MEI4: variants seen among roughly 807,000 people sequenced by gnomAD.
The protein encoded by MEI4 is meiotic double-stranded break formation protein 4, also known as meiosis-specific protein MEI4.
A neutral mutation model predicts 31.4 loss-of-function variants in MEI4; 27 were observed. The observed-to-expected ratio is 0.86, with a 90% CI of 0.63 to 1.19. The LOEUF is 1.19. MEI4 is among the 50% of genes most tolerant of loss of function. The pLI, the probability that MEI4 is intolerant of heterozygous loss-of-function variation, is 0.00. For synonymous variants in MEI4, 122 were observed against 145.4 expected (o/e 0.84, Z 1.16); for missense variants, 329 against 398.9 (o/e 0.82, Z 1.49).
At chr6:77,651,191 A>G (rs1768292468), upstream of MEI4, among the ~76,000 whole-genome samples, 1 of 152,190 alleles carries the variant, frequency 6.6e-6, no homozygotes. Context: ...GGGATAAGAA[A>G]CATTTGAAAA....
rs569792895 is a variant in MEI4 at position 77,795,691 on chromosome 6, C to T, written c.769-33240C>T. ...AGAAATTGATAAATTCTTAGAAATA[C>T]ACAACCTACCAAGACTGAATCCTGA... On this transcript the variant is annotated intron_variant, in intron 3 of 4. Transcript: ENST00000684080. Among the ~76,000 whole-genome samples the T allele has an allele frequency of 2.6e-5, 4 of 151,574 alleles. No homozygotes were observed. In the South Asian group the frequency reaches 8.3e-4, roughly 32 times the overall value.
Position 77,880,134 on chromosome 6 carries a change from C to T in MEI4, c.901-42955C>T, listed in dbSNP as rs146633172. Among the ~76,000 whole-genome samples the T allele has an allele frequency of 1.2e-4, 19 of 152,240 alleles. No individual in the cohort carries two copies. In the South Asian group the frequency reaches 1.5e-3, roughly 12 times the overall value. On this transcript the variant is annotated intron_variant, in intron 4 of 4. Transcript: ENST00000684080. ...AACTTAATGATTATTTACACAGTTA[C>T]TCATTTAGTGTCTGTCCACATTGCC...
At chr6:77,908,275 G>A (rs1246292937) in intron 4 of MEI4, among the ~76,000 whole-genome samples, 1 of 152,046 alleles carries the variant, frequency 6.6e-6, no homozygotes, top group Non-Finnish European at 1.5e-5. Flanking sequence ...GGATTTTATG[G>A]TTTTAGGTCT....
intron 3 of MEI4, among the ~76,000 whole-genome samples, chr6:77,794,427 G>T (rs1486700106): frequency 6.6e-6 from 1 of 152,092 alleles, no homozygotes; most frequent in Non-Finnish European, 1.5e-5. Flanking sequence ...GCCGGGTGTG[G>T]TGGTGGGTGC....
At chr6:77,824,907 A>G (rs1769906965) in intron 3 of MEI4, among the ~76,000 whole-genome samples, 1 of 152,160 alleles carries the variant, frequency 6.6e-6, no homozygotes, top group Non-Finnish European at 1.5e-5. Context: ...TAGAAAAAGA[A>G]TCGTTCTTCA....
intron 4 of MEI4, among the ~76,000 whole-genome samples, chr6:77,917,769 T>G (rs1441841586): frequency 1.3e-5 from 2 of 151,198 alleles, no homozygotes; most frequent in African/African-American, 4.9e-5. Context: ...CTCTTTAGTT[T>G]AATGAGATAC....
rs1194179853 is a variant in MEI4 at position 77,801,975 on chromosome 6, G to C, written c.769-26956G>C. Among the ~76,000 whole-genome samples, 11 of 152,280 alleles carry C rather than the reference G, an allele frequency of 7.2e-5. No individual in the cohort carries two copies. In the East Asian group the frequency reaches 1.3e-3, roughly 19 times the overall value. The stretch of plus-strand genomic sequence containing the variant: ...ATTTGGGGTGGAGAGTTCTGTAGAT[G>C]TGTATTAGGTCCGCTTGGTGAAGAG... On this transcript the variant is annotated intron_variant, in intron 3 of 4. Coordinates refer to ENST00000684080, the MANE Select transcript of MEI4 (RefSeq NM_001322247.2).
chr6:77,853,059 G>C (rs1001930702), intron 4 of MEI4, among the ~76,000 whole-genome samples: 3 of 152,060 alleles, frequency 2.0e-5, no homozygotes, highest in Non-Finnish European at 4.4e-5. Context: ...CTAGCCAGAC[G>C]TGGTGGCACA....
intron 2 of MEI4, among the ~76,000 whole-genome samples, chr6:77,712,530 G>A (rs1258977709): frequency 6.6e-6 from 1 of 152,150 alleles, no homozygotes; most frequent in Non-Finnish European, 1.5e-5. Context: ...CAATAGATAT[G>A]AATAAGGAAA....
intron 3 of MEI4, among the ~76,000 whole-genome samples, chr6:77,809,727 C>T (rs1222354259): frequency 6.6e-6 from 1 of 152,040 alleles, no homozygotes; most frequent in Non-Finnish European, 1.5e-5. Flanking sequence ...AACTAACCTA[C>T]TAACTGGTTA....
intron 2 of MEI4, among the ~76,000 whole-genome samples, chr6:77,712,841 G>C (rs971882716): frequency 6.6e-6 from 1 of 151,908 alleles, no homozygotes; most frequent in African/African-American, 2.4e-5. Context: ...TGTGGTGGTG[G>C]GCGCCTGTAG....
chr6:77,832,784 G>A (rs1562005782), intron 4 of MEI4, among the ~76,000 whole-genome samples: 1 of 152,070 alleles, frequency 6.6e-6, no homozygotes, highest in African/African-American at 2.4e-5. Flanking sequence ...GACTAACCAT[G>A]TCAGTTATTT....
chr6:77,850,441 G>T (rs941807051), intron 4 of MEI4, among the ~76,000 whole-genome samples: 1 of 151,918 alleles, frequency 6.6e-6, no homozygotes, highest in South Asian at 2.1e-4. Context: ...AACAGAGATA[G>T]AGACCAATGG....
chr6:77,819,176 T>G (rs1469171060), intron 3 of MEI4, among the ~76,000 whole-genome samples: 1 of 152,200 alleles, frequency 6.6e-6, no homozygotes, highest in Non-Finnish European at 1.5e-5. Context: ...GGTAGAGAAC[T>G]TTTATATGTG....
At chr6:77,768,787 G>T (rs1439083104) in intron 3 of MEI4, among the ~76,000 whole-genome samples, 2 of 151,610 alleles carry the variant, frequency 1.3e-5, no homozygotes, top group Non-Finnish European at 2.9e-5. Flanking sequence ...CCTGTTTCTT[G>T]TTCTTTTTTA....
chr6:77,895,188 C>T (rs1766058698), intron 4 of MEI4, among the ~76,000 whole-genome samples: 1 of 152,080 alleles, frequency 6.6e-6, no homozygotes, highest in Admixed American at 6.6e-5. Context: ...GATTATAGTC[C>T]TCATGGATTC....
intron 4 of MEI4, among the ~76,000 whole-genome samples, chr6:77,852,780 A>G (rs1245988592): frequency 1.3e-5 from 2 of 152,080 alleles, no homozygotes; most frequent in Admixed American, 6.6e-5. Flanking sequence ...CTCTAATCTT[A>G]TCTCCCAAAA....
Position 77,684,622 on chromosome 6 carries a change from G to T in MEI4, c.-14-6036G>T, listed in dbSNP as rs957602483. Among the ~76,000 whole-genome samples, 8 of 151,840 alleles carry T rather than the reference G, an allele frequency of 5.3e-5. 1 individual carries two copies. The highest frequency in any genetic ancestry group is 1.9e-4 in the African/African-American group (8 of 41,326). ...TGCAATGTTTGTCTTTCTGTCCCTG[G>T]CTTATTTTACTTAATATAATTATCT... is the stretch of plus-strand genomic sequence containing the variant. On this transcript the variant is annotated intron_variant, in intron 1 of 4. Coordinates refer to ENST00000684080, the MANE Select transcript of MEI4 (RefSeq NM_001322247.2).
At chr6:77,919,662 A>G (rs1381321332) in intron 4 of MEI4, among the ~76,000 whole-genome samples, 99 of 147,448 alleles carry the variant, frequency 6.7e-4, no homozygotes, top group African/African-American at 1.8e-3. Flanking sequence ...GCAGAACTGA[A>G]GGAAATAGAG....
Sources: gnomAD v4.1 joint callset for allele counts (sites outside exome capture counted in the v4.1 genomes callset) on GRCh38, gnomAD v4.1.1 for gene constraint, MANE v1.5 for transcripts, NCBI Gene and HGNC (gene_info 2026-07-23, HGNC 2026-07-21) for gene names.